Variants in CHODL observed in about 807,000 individuals in gnomAD.
CHODL encodes the protein transmembrane protein MT75.
A neutral mutation model predicts 34.5 loss-of-function variants in CHODL; 29 were observed. The observed-to-expected ratio is 0.84, with a 90% CI of 0.63 to 1.15. The LOEUF is 1.15. Among genes scored for constraint, CHODL ranks in the 50% most tolerant of loss-of-function variants. The pLI, the probability that CHODL is intolerant of heterozygous loss-of-function variation, is 0.00. For synonymous variants in CHODL, 125 were observed against 116.1 expected (o/e 1.08, Z -0.49); for missense variants, 332 against 332.5 (o/e 1.00, Z 0.01).
At chr21:18,116,104 T>G (rs1267562689) in intron 2 of CHODL, among the ~76,000 whole-genome samples, 1 of 152,196 alleles carries the variant, frequency 6.6e-6, no homozygotes, top group East Asian at 1.9e-4. Flanking sequence ...TAGGGGTACA[T>G]GCAAAGTCCT....
chr21:18,057,290 C>T (rs1013185056), intron 2 of CHODL, among the ~76,000 whole-genome samples: 1 of 151,836 alleles, frequency 6.6e-6, no homozygotes, highest in African/African-American at 2.4e-5. Context: ...TCTCTCTCTC[C>T]CTCCTCTCTG....
At chr21:18,185,325 G>A (rs887382305) in intron 2 of CHODL, among the ~76,000 whole-genome samples, 18 of 152,002 alleles carry the variant, frequency 1.2e-4, no homozygotes, top group African/African-American at 2.4e-4. Context: ...TTCCAGCTTC[G>A]TTCATGTCCC....
At chr21:18,055,794 TA>T (rs2064572367) in intron 2 of CHODL, among the ~76,000 whole-genome samples, 1 of 151,976 alleles carries the variant, frequency 6.6e-6, no homozygotes, top group Non-Finnish European at 1.5e-5. Context: ...TGACAGAACA[TA>T]GGGGGAGAGT....
chr21:18,080,307 T>A (rs1459105312), intron 2 of CHODL, among the ~76,000 whole-genome samples: 1 of 152,174 alleles, frequency 6.6e-6, no homozygotes, highest in Non-Finnish European at 1.5e-5. Context: ...TGTTGATTGT[T>A]TTGCTTGTCA....
At chr21:18,068,897 G>A (rs918393087) in intron 2 of CHODL, among the ~76,000 whole-genome samples, 1 of 151,852 alleles carries the variant, frequency 6.6e-6, no homozygotes, top group Non-Finnish European at 1.5e-5. Context: ...ATGACTCCTG[G>A]GTAAGAGACA....
At chr21:18,114,380 A>G (rs1420863774) in intron 2 of CHODL, among the ~76,000 whole-genome samples, 4 of 152,220 alleles carry the variant, frequency 2.6e-5, no homozygotes, top group South Asian at 2.1e-4. Context: ...TATCTGTATC[A>G]AAATATCTCA....
At chr21:18,110,322 T>G (rs1407692851) in intron 2 of CHODL, among the ~76,000 whole-genome samples, 4 of 152,172 alleles carry the variant, frequency 2.6e-5, no homozygotes, top group Non-Finnish European at 5.9e-5. Context: ...CACTTTTCAT[T>G]GAGAGGTGAT....
chr21:18,264,075 G>A (rs1384980546), intron 5 of CHODL, among the ~76,000 whole-genome samples: 1 of 152,068 alleles, frequency 6.6e-6, no homozygotes, highest in Non-Finnish European at 1.5e-5. Flanking sequence ...AACCAAAACA[G>A]CTAAATCTAA....
intron 2 of CHODL, among the ~76,000 whole-genome samples, chr21:18,068,467 G>GCTCACAC (rs2064758125): frequency 6.6e-6 from 1 of 152,148 alleles, no homozygotes; most frequent in African/African-American, 2.4e-5. Flanking sequence ...AAAGTGCTGG[G>GCTCACAC]ATTACAGGTG....
chr21:18,206,996 A>G (rs2073719742), intron 2 of CHODL, among the ~76,000 whole-genome samples: 1 of 151,942 alleles, frequency 6.6e-6, no homozygotes, highest in Non-Finnish European at 1.5e-5. Context: ...TCAACTCGTC[A>G]TTTACATTAG....
intron 2 of CHODL, among the ~76,000 whole-genome samples, chr21:18,059,766 A>G (rs1266052556): frequency 6.6e-6 from 1 of 152,146 alleles, no homozygotes; most frequent in Non-Finnish European, 1.5e-5. Flanking sequence ...CAAACACGGC[A>G]TGTTCTCACT....
At chr21:18,064,713 A>G (rs976910609) in intron 2 of CHODL, among the ~76,000 whole-genome samples, 2 of 152,126 alleles carry the variant, frequency 1.3e-5, no homozygotes. Flanking sequence ...CTCAGCTTCT[A>G]TAATTGCATC....
At chr21:18,154,453 G>A (rs1379004912) in intron 2 of CHODL, among the ~76,000 whole-genome samples, 2 of 151,882 alleles carry the variant, frequency 1.3e-5, no homozygotes, top group Non-Finnish European at 2.9e-5. Context: ...TTGCTTCTCC[G>A]CAATTTATCA....
chr21:18,118,254 G>T (rs2065436903), intron 2 of CHODL, among the ~76,000 whole-genome samples: 1 of 152,200 alleles, frequency 6.6e-6, no homozygotes, highest in African/African-American at 2.4e-5. Context: ...ACTCTGTTTA[G>T]GTACTCTGAG....
intron 1 of CHODL, among the ~76,000 whole-genome samples, chr21:17,930,504 G>C (rs2063263749): frequency 6.6e-6 from 1 of 152,228 alleles, no homozygotes; most frequent in Admixed American, 6.5e-5. Flanking sequence ...AGCTGCCTGA[G>C]TGGTCTGCCT....
intron 2 of CHODL, among the ~76,000 whole-genome samples, chr21:18,093,318 T>C (rs1285978069): frequency 1.3e-5 from 2 of 152,178 alleles, no homozygotes; most frequent in Non-Finnish European, 2.9e-5. Flanking sequence ...ACACCAGACC[T>C]GTCCTACAAG....
At chr21:18,017,269 T>C (rs749294397) in intron 1 of CHODL, among the ~76,000 whole-genome samples, 17 of 152,250 alleles carry the variant, frequency 1.1e-4, no homozygotes, top group Middle Eastern at 3.4e-3. Flanking sequence ...TGATCTTCTG[T>C]GTTGGAGGTG....
At chr21:18,078,910 C>T (rs1247689923) in intron 2 of CHODL, among the ~76,000 whole-genome samples, 9 of 152,136 alleles carry the variant, frequency 5.9e-5, no homozygotes, top group Non-Finnish European at 1.3e-4. Flanking sequence ...ATGAATCAGA[C>T]ACAAGATTTG....
At chr21:18,017,843 A>G (rs1380313297) in intron 1 of CHODL, among the ~76,000 whole-genome samples, 1 of 152,220 alleles carries the variant, frequency 6.6e-6, no homozygotes, top group East Asian at 1.9e-4. Flanking sequence ...CAGGCACTCA[A>G]CAACCTATGG....
Sources: gnomAD v4.1 joint callset for allele counts (sites outside exome capture counted in the v4.1 genomes callset) on GRCh38, gnomAD v4.1.1 for gene constraint, MANE v1.5 for transcripts, NCBI Gene and HGNC (gene_info 2026-07-23, HGNC 2026-07-21) for gene names.